Variants in PLCH1 observed in about 807,000 individuals in gnomAD.
PLCH1 encodes 1-phosphatidylinositol 4,5-bisphosphate phosphodiesterase eta-1.
Under a neutral mutation model 126.7 loss-of-function variants are expected in PLCH1, and 60 were observed. The ratio of observed to expected loss-of-function variants is 0.47; its 90% CI spans 0.38 to 0.59. The LOEUF (loss-of-function observed/expected upper bound fraction) is 0.59. Among genes scored for constraint, PLCH1 ranks in the 20% least tolerant of loss-of-function variants. PLCH1 has a pLI of 0.00. For synonymous variants in PLCH1, 719 were observed against 734.9 expected, an observed-to-expected ratio of 0.98 and a Z score of 0.35; for missense variants, 1,723 against 2,040.0, an observed-to-expected ratio of 0.84 and a Z score of 2.99.
At chr3:155,550,262 AT>A (rs1269985826) in intron 9 of PLCH1, among the ~76,000 whole-genome samples, 1 of 152,198 alleles carries the variant, frequency 6.6e-6, no homozygotes, top group Non-Finnish European at 1.5e-5. Context: ...AGAAGAGAAA[AT>A]TTTAAAAGAG....
chr3:155,541,874 AC>A (rs1724296186), intron 10 of PLCH1, among the ~76,000 whole-genome samples: 1 of 152,150 alleles, frequency 6.6e-6, no homozygotes, highest in Non-Finnish European at 1.5e-5. Context: ...AAAGTAAAAT[AC>A]AATAAAATGA....
At chr3:155,618,875 A>C (rs946267055) in intron 2 of PLCH1, among the ~76,000 whole-genome samples, 4 of 152,156 alleles carry the variant, frequency 2.6e-5, no homozygotes, top group African/African-American at 4.8e-5. Context: ...CATTGCAACC[A>C]GATAATGCTG....
rs777655036 is a variant in PLCH1, at chr3:155,482,660, A to G, written c.3366T>C (p.His1122=). The change falls in exon 23 of 23, where the codon CAT becomes CAC. Residue 1122 remains histidine, a synonymous_variant. Coordinates refer to ENST00000460012, the MANE Select transcript of PLCH1 (RefSeq NM_014996.4). ...CCAGGTTCTTAATTTCTAGGTTGCT[A>G]TGAGAAAGGACGCTTCCTGACAAGA... The part of the protein sequence containing the change: ...KSILSGSVLS[H]SNLEIKNLEG... 30 of 1,614,072 alleles carry G rather than the reference A, an allele frequency of 1.9e-5. No individual in the cohort carries two copies. In the Admixed American group the frequency reaches 4.5e-4, roughly 24 times the overall value.
At chr3:155,557,717 G>T (rs1727016818) in intron 8 of PLCH1, among the ~76,000 whole-genome samples, 1 of 152,106 alleles carries the variant, frequency 6.6e-6, no homozygotes, top group South Asian at 2.1e-4. Context: ...AAGAGCCGGG[G>T]CCCATTTTTC....
chr3:155,577,636 A>C (rs1655329084), intron 6 of PLCH1, among the ~76,000 whole-genome samples: 1 of 152,184 alleles, frequency 6.6e-6, no homozygotes, highest in African/African-American at 2.4e-5. Context: ...AGTAGCTTCA[A>C]GCTAATTTAG....
chr3:155,483,494 A>G (rs1343068877), intron 22 of PLCH1: 1 of 496,586 alleles, frequency 2.0e-6, no homozygotes, highest in Non-Finnish European at 3.5e-6. Flanking sequence ...AGTTAAAACA[A>G]AAAAAGAAGA....
At chr3:155,624,275 C>G (rs1286476337) in intron 2 of PLCH1, among the ~76,000 whole-genome samples, 1 of 152,166 alleles carries the variant, frequency 6.6e-6, no homozygotes, top group Non-Finnish European at 1.5e-5. Flanking sequence ...CTACTTATGA[C>G]AAACCCACAG....
chr3:155,655,048 T>C (rs1014212560), intron 2 of PLCH1, among the ~76,000 whole-genome samples: 9 of 152,202 alleles, frequency 5.9e-5, no homozygotes, highest in African/African-American at 2.2e-4. Context: ...CTGAACACTC[T>C]GCCTTTAGAT....
chr3:155,533,130 C>G (rs1027553536), intron 10 of PLCH1, among the ~76,000 whole-genome samples: 1 of 152,352 alleles, frequency 6.6e-6, no homozygotes, highest in Non-Finnish European at 1.5e-5. Flanking sequence ...TGGCATTTTG[C>G]CCCTGCCCTA....
intron 22 of PLCH1, chr3:155,483,282 C>T: frequency 9.2e-7 from 1 of 1,089,536 alleles, no homozygotes; most frequent in Non-Finnish European, 1.3e-6. Flanking sequence ...ATTACATCTG[C>T]TAAGGATGTA....
At chr3:155,676,043 A>G in intron 2 of PLCH1, 1 of 1,535,038 alleles carries the variant, frequency 6.5e-7, no homozygotes, top group Non-Finnish European at 8.8e-7. Flanking sequence ...CTGCCATTAA[A>G]TTTAATACTA....
At chr3:155,733,306 G>A (rs1199028201) in intron 1 of PLCH1, among the ~76,000 whole-genome samples, 1 of 152,282 alleles carries the variant, frequency 6.6e-6, no homozygotes, top group East Asian at 1.9e-4. Context: ...CATGCTACCT[G>A]ATTTCAAAAT....
chr3:155,695,490 A>G (rs1424047980), intron 2 of PLCH1, among the ~76,000 whole-genome samples: 1 of 152,252 alleles, frequency 6.6e-6, no homozygotes, highest in East Asian at 1.9e-4. Context: ...GAGTGCAAAA[A>G]TAGTGAAACC....
At chr3:155,695,313 G>A (rs2109055136) in intron 2 of PLCH1, among the ~76,000 whole-genome samples, 1 of 152,266 alleles carries the variant, frequency 6.6e-6, no homozygotes, top group African/African-American at 2.4e-5. Context: ...GGCACACTTG[G>A]ATTCTCATTG....
intron 21 of PLCH1, among the ~76,000 whole-genome samples, chr3:155,460,083 A>T (rs1224157076): frequency 6.6e-6 from 1 of 152,160 alleles, no homozygotes; most frequent in Non-Finnish European, 1.5e-5. Flanking sequence ...TCATTGAACC[A>T]GCGTTTTGAT....
intron 2 of PLCH1, among the ~76,000 whole-genome samples, chr3:155,654,942 T>G (rs1206152044): frequency 6.6e-6 from 1 of 152,190 alleles, no homozygotes; most frequent in East Asian, 1.9e-4. Context: ...CTTTGTATCA[T>G]CGACTTTGCT....
chr3:155,734,046 G>T (rs917244359), intron 1 of PLCH1, among the ~76,000 whole-genome samples: 2 of 147,720 alleles, frequency 1.4e-5, no homozygotes, highest in African/African-American at 5.0e-5. Flanking sequence ...CTTCATATCA[G>T]TTAGAATGGC....
chr3:155,516,502 A>C (rs890022185), intron 11 of PLCH1, among the ~76,000 whole-genome samples: 8 of 152,204 alleles, frequency 5.3e-5, no homozygotes, highest in African/African-American at 1.9e-4. Context: ...TGGCAGATAA[A>C]GAACTTTGGA....
chr3:155,575,512 T>C (rs1469536567), intron 6 of PLCH1, among the ~76,000 whole-genome samples: 3 of 152,214 alleles, frequency 2.0e-5, no homozygotes, highest in Non-Finnish European at 1.5e-5. Context: ...GAGATGGCCC[T>C]GTAGCAGGGA....
Sources: allele counts gnomAD v4.1 joint callset (sites outside exome capture counted in the v4.1 genomes callset), GRCh38; gene constraint gnomAD v4.1.1; transcripts MANE v1.5; gene names NCBI Gene and HGNC (gene_info 2026-07-23, HGNC 2026-07-21).